The following PINX1 variants were observed in gnomAD, a reference collection of about 807,000 sequenced individuals.
PINX1 encodes PIN2/TERF1-interacting telomerase inhibitor 1.
A neutral mutation model predicts 25.4 loss-of-function variants in PINX1; 34 were observed. That is an observed-to-expected ratio of 1.34 (90% CI 1.02 to 1.78). The LOEUF is 1.78. Ranked by LOEUF, PINX1 falls within the 40% of genes most tolerant of loss-of-function variation. PINX1 has a pLI of 0.00. For missense variants in PINX1, 592 were observed against 404.9 expected (o/e 1.46, Z -3.97); for synonymous variants, 197 against 147.7 (o/e 1.33, Z -2.42).
intron 1 of PINX1, among the ~76,000 whole-genome samples, chr8:10,835,445 C>T (rs146205705): frequency 6.6e-6 from 1 of 152,292 alleles, no homozygotes; most frequent in African/African-American, 2.4e-5. Flanking sequence ...ATACAATAGT[C>T]ATTATGCTCT....
chr8:10,769,802 A>G (rs1171176991), intron 6 of PINX1, among the ~76,000 whole-genome samples: 1 of 152,194 alleles, frequency 6.6e-6, no homozygotes, highest in Non-Finnish European at 1.5e-5. Flanking sequence ...CCTGTACCAC[A>G]GGACCCCGAC....
chr8:10,837,832 CAGA>C (rs775487452), intron 1 of PINX1, among the ~76,000 whole-genome samples: 16 of 152,312 alleles, frequency 1.1e-4, no homozygotes, highest in African/African-American at 2.4e-4. Context: ...AGAGGTTGAT[CAGA>C]AGGAGAGTAT....
rs761519438 is a variant in PINX1 at position 10,826,248 on chromosome 8, TAA to T, written c.302-6_302-5del. 4 of 1,493,776 alleles carry T rather than the reference TAA, an allele frequency of 2.7e-6. No individual in the cohort carries two copies. The Admixed American group carries it at 5.5e-5, about 21-fold the overall frequency. 92.5% of individuals were successfully genotyped at this position (1,493,776 alleles called of 1,614,324 possible). ...TTTTCCTTCTTGTCCGAGGAATCTTTAAAAAAGATGAAAAAAATACATTAAAG... is the reference window on the plus strand; with the variant it reads ...TTTTCCTTCTTGTCCGAGGAATCTTTAAAAGATGAAAAAAATACATTAAAG... On this transcript the variant is annotated splice_polypyrimidine_tract_variant and splice_region_variant and intron_variant, in intron 4 of 6. Coordinates refer to ENST00000314787, the MANE Select transcript of PINX1 (RefSeq NM_017884.6).
At position 10,783,143 on chromosome 8, in the gene PINX1, G is replaced by C. The variant is rs149137845; in HGVS notation, c.472-17227C>G. The stretch of plus-strand genomic sequence containing the variant: ...AATCTTAATTCCATGAAAATGTAAA[G>C]AAAACTGAAATTTATGACATTTATG... On this transcript the variant is annotated intron_variant, in intron 6 of 6. Transcript: ENST00000314787. 4.0e-3 allele frequency among the ~76,000 whole-genome samples: 603 copies of C among 152,276 alleles called. 2 individuals are homozygous for C. Among genetic ancestry groups the C allele is most frequent in the Middle Eastern group, 6.8e-3 (2 of 294 alleles).
chr8:10,816,374 G>C (rs571298910), intron 6 of PINX1, among the ~76,000 whole-genome samples: 6 of 152,298 alleles, frequency 3.9e-5, no homozygotes, highest in African/African-American at 1.4e-4. Context: ...TATTAATCAA[G>C]GGCTGCAGAT....
intron 6 of PINX1, among the ~76,000 whole-genome samples, chr8:10,814,237 T>G (rs986803218): frequency 1.3e-5 from 2 of 152,202 alleles, no homozygotes; most frequent in African/African-American, 2.4e-5. Flanking sequence ...ATTAGAAATG[T>G]GCAACCAGCC....
intron 6 of PINX1, among the ~76,000 whole-genome samples, chr8:10,801,272 C>T (rs899801891): frequency 4.6e-5 from 7 of 152,218 alleles, no homozygotes; most frequent in African/African-American, 1.7e-4. Context: ...TCCAACTCCC[C>T]TCCCATATGC....
At chr8:10,800,251 C>A (rs1802224181) in intron 6 of PINX1, among the ~76,000 whole-genome samples, 1 of 152,164 alleles carries the variant, frequency 6.6e-6, no homozygotes, top group South Asian at 2.1e-4. Context: ...AAGAACACTG[C>A]GTATGTATAA....
In PINX1 at chr8:10,826,180, GT is replaced by G; in HGVS notation, c.365del (p.Asn122ThrfsTer6). On this transcript the variant is annotated frameshift_variant, in exon 5 of 7. Transcript: ENST00000314787. LOFTEE classifies it high-confidence loss of function. ...SLEEKSKISK[N>X]RVHYMKFTKG... ...TTGTGAATTTCATATAGTGAACACG[GT>G]TTTTGGAGATTTTGGACTTTTCCTC... 6.3e-7 allele frequency: 1 copy of G among 1,590,094 alleles called. No individual in the cohort carries two copies. Among genetic ancestry groups the G allele is most frequent in the Non-Finnish European group, 8.6e-7 (1 of 1,161,260 alleles).
intron 1 of PINX1, among the ~76,000 whole-genome samples, chr8:10,838,305 T>A (rs933306996): frequency 3.3e-5 from 5 of 152,184 alleles, no homozygotes; most frequent in African/African-American, 1.2e-4. Flanking sequence ...AACACAAAAA[T>A]ATTACATATT....
At chr8:10,815,230 C>T (rs1007376599) in intron 6 of PINX1, among the ~76,000 whole-genome samples, 4 of 152,232 alleles carry the variant, frequency 2.6e-5, no homozygotes, top group African/African-American at 7.2e-5. Context: ...GCACGAGCCA[C>T]TGTGCCCAGC....
intron 6 of PINX1, among the ~76,000 whole-genome samples, chr8:10,797,835 G>C (rs1303147107): frequency 3.3e-5 from 5 of 152,142 alleles, no homozygotes; most frequent in Admixed American, 2.6e-4. Flanking sequence ...GGTACAGCAG[G>C]AACTAGTGAC....
chr8:10,788,311 C>T (rs1488532134), intron 6 of PINX1, among the ~76,000 whole-genome samples: 1 of 152,176 alleles, frequency 6.6e-6, no homozygotes, highest in African/African-American at 2.4e-5. Context: ...TCTGTAATCC[C>T]AGCACTCTGG....
chr8:10,795,424 G>A (rs931058987), intron 6 of PINX1, among the ~76,000 whole-genome samples: 2 of 152,156 alleles, frequency 1.3e-5, no homozygotes, highest in African/African-American at 4.8e-5. Context: ...ACACCAAGAC[G>A]GAGTGTTGCT....
rs1798230795 is a variant in PINX1 at position 10,831,676 on chromosome 8, T to C, written c.290A>G (p.Gln97Arg). Residue 97 changes from glutamine to arginine, a missense_variant, in exon 4 of 7, where the codon CAG (glutamine) becomes CGG (arginine). Physicochemically the swap from Gln to Arg is conservative, Grantham distance 43 (BLOSUM62 1). Transcript: ENST00000314787. ...TCTGATTTCCCTACCTGTGGTTTCC[T>C]GCCCATGGCAAGTGTTCAGTTCGGC... ...LLAELNTCHG[Q>R]ETTDSSDKKE... 4 of 1,598,876 alleles carry C rather than the reference T, an allele frequency of 2.5e-6. No individual in the cohort carries two copies. The highest frequency in any genetic ancestry group is 2.6e-6 in the Non-Finnish European group (3 of 1,169,366).
chr8:10,823,275 T>C (rs73208793), intron 5 of PINX1, among the ~76,000 whole-genome samples: 25,614 of 136,408 alleles, frequency 0.19, 2,561 homozygotes, highest in Non-Finnish European at 0.24. Flanking sequence ...TTCAGTAGCA[T>C]ATAAAATAGC....
chr8:10,770,496 G>A lies in PINX1; in HGVS notation c.472-4580C>T, dbSNP rs139336447. On this transcript the variant is annotated intron_variant, in intron 6 of 6. Transcript: ENST00000314787. ...CTTCTCGGATGTCTACAGAATTAAA[G>A]TCTGTTCTGCTTCTTTTAGGATCCT... Among the ~76,000 whole-genome samples, 7 of 152,334 alleles carry A rather than the reference G, an allele frequency of 4.6e-5. No individual in the cohort carries two copies. In the South Asian group the frequency reaches 1.4e-3, roughly 32 times the overall value.
At chr8:10,814,926 T>G (rs1797653822) in intron 6 of PINX1, among the ~76,000 whole-genome samples, 1 of 152,178 alleles carries the variant, frequency 6.6e-6, no homozygotes, top group South Asian at 2.1e-4. Flanking sequence ...TAAAACACAG[T>G]GAAGCAATTT....
intron 6 of PINX1, among the ~76,000 whole-genome samples, chr8:10,790,219 A>C (rs1159285021): frequency 2.0e-5 from 3 of 152,284 alleles, no homozygotes; most frequent in Admixed American, 2.0e-4. Context: ...AACGGGGCTG[A>C]ATAAAAAAGT....
Sources: gnomAD v4.1 joint callset for allele counts (sites outside exome capture counted in the v4.1 genomes callset) on GRCh38, gnomAD v4.1.1 for gene constraint, MANE v1.5 for transcripts, NCBI Gene and HGNC (gene_info 2026-07-23, HGNC 2026-07-21) for gene names.